Variants in NOL4 observed in about 807,000 individuals in gnomAD.
The protein encoded by NOL4 is nucleolar protein 4.
In NOL4, 17 loss-of-function variants were observed where a neutral mutation model predicts 75.9. That is an observed-to-expected ratio of 0.22 (90% CI 0.15 to 0.34). The LOEUF is 0.34. NOL4 is among the 10% of genes least tolerant of loss of function. NOL4 has a pLI of 1.00. For synonymous variants in NOL4, 292 were observed against 289.9 expected, an observed-to-expected ratio of 1.01 and a Z score of -0.07; for missense variants, 614 against 793.5, an observed-to-expected ratio of 0.77 and a Z score of 2.72.
intron 6 of NOL4, among the ~76,000 whole-genome samples, chr18:34,016,207 A>G (rs866298411): frequency 6.6e-6 from 1 of 152,060 alleles, no homozygotes. Context: ...TTTTTGTACT[A>G]TATCTCTGCT....
chr18:34,187,453 C>T (rs868863820), intron 1 of NOL4, among the ~76,000 whole-genome samples: 1 of 149,564 alleles, frequency 6.7e-6, no homozygotes, highest in African/African-American at 2.5e-5. Context: ...CTCCACTCAC[C>T]GCAAGCTCCG....
At chr18:33,998,705 G>C (rs202110696) in intron 6 of NOL4, among the ~76,000 whole-genome samples, 44 of 152,214 alleles carry the variant, frequency 2.9e-4, no homozygotes, top group Non-Finnish European at 4.7e-4. Context: ...TGAGGCACAG[G>C]TTCAGTATGT....
At chr18:34,108,815 AG>A in intron 2 of NOL4, among the ~76,000 whole-genome samples, 1 of 152,194 alleles carries the variant, frequency 6.6e-6, no homozygotes, top group African/African-American at 2.4e-5. Context: ...AGGAAACAGC[AG>A]ACTTGAACAA....
chr18:33,991,709 G>T (rs938779146), intron 6 of NOL4, among the ~76,000 whole-genome samples: 3 of 151,812 alleles, frequency 2.0e-5, no homozygotes, highest in South Asian at 2.1e-4. Flanking sequence ...ATTTAAATCA[G>T]GTAAAATTAA....
At chr18:33,938,946 T>C (rs967976984) in intron 9 of NOL4, among the ~76,000 whole-genome samples, 2 of 152,170 alleles carry the variant, frequency 1.3e-5, no homozygotes, top group Non-Finnish European at 2.9e-5. Flanking sequence ...CTTGAGCTAA[T>C]TTTTGTATAA....
intron 1 of NOL4, among the ~76,000 whole-genome samples, chr18:34,152,215 T>C (rs2081672625): frequency 2.0e-5 from 3 of 151,980 alleles, no homozygotes; most frequent in South Asian, 4.1e-4. Context: ...CTAATAAGCA[T>C]AGTTTAAAAT....
intron 9 of NOL4, among the ~76,000 whole-genome samples, chr18:33,901,639 C>T (rs1184139467): frequency 6.6e-6 from 1 of 151,866 alleles, no homozygotes; most frequent in Non-Finnish European, 1.5e-5. Context: ...TGTTTTCATC[C>T]ATAACATATT....
At chr18:34,196,555 T>C (rs1359931754) in intron 1 of NOL4, among the ~76,000 whole-genome samples, 1 of 152,144 alleles carries the variant, frequency 6.6e-6, no homozygotes, top group Admixed American at 6.6e-5. Flanking sequence ...TGATTAGATG[T>C]TCACAGCAGG....
intron 8 of NOL4, among the ~76,000 whole-genome samples, chr18:33,953,858 A>G (rs1458915895): frequency 6.6e-6 from 1 of 152,214 alleles, no homozygotes; most frequent in Non-Finnish European, 1.5e-5. Flanking sequence ...TTAGGGTGAT[A>G]TACAGTACGT....
At chr18:33,919,937 T>C (rs983792919) in intron 9 of NOL4, among the ~76,000 whole-genome samples, 1 of 152,202 alleles carries the variant, frequency 6.6e-6, no homozygotes, top group African/African-American at 2.4e-5. Flanking sequence ...GTGAAACATT[T>C]TACCTTTTTA....
intron 5 of NOL4, among the ~76,000 whole-genome samples, chr18:34,031,548 T>A (rs1375547571): frequency 6.6e-6 from 1 of 152,172 alleles, no homozygotes; most frequent in Non-Finnish European, 1.5e-5. Context: ...TAGAGGAGCT[T>A]CAAGATGGTT....
In NOL4 at chr18:33,925,206, T is replaced by A. The variant is rs189074686; in HGVS notation, c.1542+17859A>T. 7.9e-5 allele frequency among the ~76,000 whole-genome samples: 12 copies of A among 152,312 alleles called. No homozygotes were observed. In the East Asian group the frequency reaches 2.1e-3, roughly 27 times the overall value. On this transcript the variant is annotated intron_variant, in intron 9 of 10. Transcript: ENST00000261592. ...TACATGTCCTGACTTATTTTACAAA[T>A]GTAGTCAAAATGATACTTTGATAAC... is the stretch of plus-strand genomic sequence containing the variant.
intron 5 of NOL4, among the ~76,000 whole-genome samples, chr18:34,026,617 A>G (rs939526967): frequency 1.3e-5 from 2 of 152,188 alleles, no homozygotes; most frequent in African/African-American, 4.8e-5. Context: ...CCCAATCCCA[A>G]CTGATATAAT....
rs568985829 is a variant in NOL4, at chr18:34,129,221, G to T, written c.414+650C>A. 2.6e-5 allele frequency among the ~76,000 whole-genome samples: 4 copies of T among 151,762 alleles called. No individual in the cohort carries two copies. In the East Asian group the frequency reaches 7.7e-4, roughly 29 times the overall value. On this transcript the variant is annotated intron_variant, in intron 2 of 10. Transcript: ENST00000261592. Reference sequence around the variant, plus strand: ...ACTCCATTTTGACACTATATATTTCGATATCTAGCAGTTAATTAAATCTGC... The same window carrying T: ...ACTCCATTTTGACACTATATATTTCTATATCTAGCAGTTAATTAAATCTGC...
intron 5 of NOL4, among the ~76,000 whole-genome samples, chr18:34,047,791 T>C (rs1173503153): frequency 6.6e-6 from 1 of 152,058 alleles, no homozygotes; most frequent in Non-Finnish European, 1.5e-5. Context: ...CACATAGACG[T>C]AGACATCCCC....
At chr18:33,892,044 T>A (rs574668953) in intron 9 of NOL4, among the ~76,000 whole-genome samples, 28 of 152,126 alleles carry the variant, frequency 1.8e-4, no homozygotes, top group Non-Finnish European at 4.1e-4. Context: ...TCTTGAATGA[T>A]TATTATTACT....
intron 5 of NOL4, among the ~76,000 whole-genome samples, chr18:34,073,528 A>G (rs2077610890): frequency 6.6e-6 from 1 of 152,036 alleles, no homozygotes; most frequent in African/African-American, 2.4e-5. Context: ...AATACTTGTT[A>G]TATTATATTG....
At chr18:33,879,194 C>A (rs1599717961) in intron 10 of NOL4, among the ~76,000 whole-genome samples, 1 of 152,088 alleles carries the variant, frequency 6.6e-6, no homozygotes, top group African/African-American at 2.4e-5. Context: ...AAACCAAACA[C>A]ATTAGGAATA....
rs544517489 is a variant in NOL4, at chr18:34,165,139, C to A, written c.265-35119G>T. On this transcript the variant is annotated intron_variant, in intron 1 of 10. Coordinates refer to ENST00000261592, the MANE Select transcript of NOL4 (RefSeq NM_003787.5). Reference sequence around the variant, plus strand: ...ATAGCATTAGGAGATATACCTAATGCTAAATGACGAGTTAATGGGTGCAGC... The same window carrying A: ...ATAGCATTAGGAGATATACCTAATGATAAATGACGAGTTAATGGGTGCAGC... Among the ~76,000 whole-genome samples, 4 of 150,986 alleles carry A rather than the reference C, an allele frequency of 2.6e-5. No homozygotes were observed. In the South Asian group the frequency reaches 8.4e-4, roughly 32 times the overall value.
Sources: gnomAD v4.1 joint callset for allele counts (sites outside exome capture counted in the v4.1 genomes callset) on GRCh38, gnomAD v4.1.1 for gene constraint, MANE v1.5 for transcripts, NCBI Gene and HGNC (gene_info 2026-07-23, HGNC 2026-07-21) for gene names.